The following GALNT2 variants were observed in gnomAD, a reference collection of about 807,000 sequenced individuals.
The protein encoded by GALNT2 is polypeptide N-acetylgalactosaminyltransferase 2.
GALNT2 carries 31 observed loss-of-function variants against 81.4 expected under a neutral mutation model. The observed-to-expected ratio is 0.38, with a 90% CI of 0.29 to 0.51. The LOEUF (loss-of-function observed/expected upper bound fraction) is 0.51, where lower values mean the gene tolerates loss of function less well. Among genes scored for constraint, GALNT2 ranks in the 20% least tolerant of loss-of-function variants. The pLI, the probability that GALNT2 is intolerant of heterozygous loss-of-function variation, is 0.87. For synonymous variants in GALNT2, 303 were observed against 287.4 expected (o/e 1.05, Z -0.55); for missense variants, 629 against 765.7 (o/e 0.82, Z 2.11).
At position 230,131,077 on chromosome 1, in the gene GALNT2, A is replaced by G. The variant is rs548711313; in HGVS notation, c.127-47141A>G. ...GAGAAAGAAATCAACAACCTAATAAACAAGATAGCTTAAAACAGTATCTAA... is the reference window on the plus strand; with the variant it reads ...GAGAAAGAAATCAACAACCTAATAAGCAAGATAGCTTAAAACAGTATCTAA... On this transcript the variant is annotated intron_variant, in intron 1 of 15. Transcript: ENST00000366672. 9.9e-5 allele frequency among the ~76,000 whole-genome samples: 15 copies of G among 152,228 alleles called. No individual in the cohort carries two copies. In the South Asian group the frequency reaches 3.1e-3, roughly 32 times the overall value.
intron 13 of GALNT2, chr1:230,264,791 G>GTGGCTT (rs1478855818): frequency 6.5e-6 from 1 of 153,508 alleles, no homozygotes; most frequent in Non-Finnish European, 1.5e-5. Context: ...CCCCGTGGCT[G>GTGGCTT]TGGCTTTGTT....
intron 2 of GALNT2, among the ~76,000 whole-genome samples, chr1:230,192,711 A>C (rs1663568966): frequency 6.6e-6 from 1 of 152,276 alleles, no homozygotes; most frequent in African/African-American, 2.4e-5. Context: ...TTTTAAACAA[A>C]TGAAAACTAT....
chr1:230,261,988 C>A, intron 11 of GALNT2: 1 of 150,996 alleles, frequency 6.6e-6, no homozygotes. Context: ...TCCAGCTTGG[C>A]AGCAGAGCGA....
At chr1:230,088,081 C>G (rs905181877) in intron 1 of GALNT2, among the ~76,000 whole-genome samples, 2 of 152,074 alleles carry the variant, frequency 1.3e-5, no homozygotes, top group Admixed American at 1.3e-4. Context: ...TCCCCCCGCC[C>G]CCAATGTTTT....
intron 6 of GALNT2, among the ~76,000 whole-genome samples, chr1:230,239,585 C>T (rs923921202): frequency 6.6e-6 from 1 of 152,212 alleles, no homozygotes; most frequent in Non-Finnish European, 1.5e-5. Flanking sequence ...CTTCTGTCTG[C>T]TTTTATTCTG....
intron 1 of GALNT2, among the ~76,000 whole-genome samples, chr1:230,113,349 C>G (rs1166847041): frequency 6.6e-6 from 1 of 152,080 alleles, no homozygotes; most frequent in East Asian, 1.9e-4. Flanking sequence ...CTCTCCTTGA[C>G]TCAGGAATCC....
intron 14 of GALNT2, among the ~76,000 whole-genome samples, chr1:230,266,989 G>GACACAC (rs35956776): frequency 0.016 from 2,373 of 146,768 alleles, 33 homozygotes; most frequent in African/African-American, 0.037. Flanking sequence ...GCACGTGTGT[G>GACACAC]ACACACACAC....
At position 230,243,274 on chromosome 1, in the gene GALNT2, C is replaced by T. The variant is rs756240514; in HGVS notation, c.608-32C>T. 4 of 1,577,844 alleles carry T rather than the reference C, an allele frequency of 2.5e-6. No individual in the cohort carries two copies. Among genetic ancestry groups the T allele is most frequent in the South Asian group, 2.3e-5 (2 of 88,590 alleles). ...GTTGTGCTGGCCCTGTGGCTTCTCT[C>T]TCCTGACGTGCTTTCCAACTCGCCT... is the stretch of plus-strand genomic sequence containing the variant. On this transcript the variant is annotated intron_variant, in intron 6 of 15. Coordinates refer to ENST00000366672, the MANE Select transcript of GALNT2 (RefSeq NM_004481.5). The surrounding 1 kb of genome is among the most constrained non-coding windows in gnomAD (Gnocchi z 4.2).
rs1389014300 is a variant in GALNT2 at position 230,243,406 on chromosome 1, C to T, written c.708C>T (p.Pro236=). The T allele has an allele frequency of 6.2e-7, 1 of 1,612,128 alleles. No individual in the cohort carries two copies. Among genetic ancestry groups the T allele is most frequent in the African/African-American group, 1.3e-5 (1 of 74,896 alleles). Residue 236 remains proline (P), a synonymous_variant, in exon 7 of 16, where the codon CCC becomes CCT. Transcript: ENST00000366672. The surrounding 1 kb of genome is among the most constrained non-coding windows in gnomAD (Gnocchi z 4.2). The part of the protein sequence containing the change: ...HCECNEHWLE[P]LLERVAEDRT... The stretch of plus-strand genomic sequence containing the variant: ...AGTGTAATGAGCACTGGCTGGAGCC[C>T]CTCCTGGAAAGGGTGGCGGAGGTGA...
chr1:230,233,228 CCTT>C (rs1216913362), intron 3 of GALNT2, among the ~76,000 whole-genome samples: 1 of 152,160 alleles, frequency 6.6e-6, no homozygotes, highest in Non-Finnish European at 1.5e-5. Flanking sequence ...TAATCTATCT[CCTT>C]CGTCCACTGA....
In GALNT2 at chr1:230,254,276, C is replaced by T. The variant is rs1369365226; in HGVS notation, c.1010-942C>T. On this transcript the variant is annotated intron_variant, in intron 10 of 15. Coordinates refer to ENST00000366672, the MANE Select transcript of GALNT2 (RefSeq NM_004481.5). The stretch of plus-strand genomic sequence containing the variant: ...AAGGCACACCAGTCAGTCTAAGCTT[C>T]GACTGAGTTCCAATGCTCAGGGCAG... Among the ~76,000 whole-genome samples, 107 of 152,250 alleles carry T rather than the reference C, an allele frequency of 7.0e-4. 2 individuals are homozygous for T. The highest frequency in any genetic ancestry group is 1.9e-4 in the East Asian group (1 of 5,176).
At chr1:230,164,540 CTTT>C (rs747922205) in intron 1 of GALNT2, among the ~76,000 whole-genome samples, 2 of 142,244 alleles carry the variant, frequency 1.4e-5, no homozygotes, top group Non-Finnish European at 1.5e-5. Context: ...GGCCCTTTTT[CTTT>C]TTTTTTTTTT....
intron 14 of GALNT2, among the ~76,000 whole-genome samples, chr1:230,267,424 T>C (rs1481550087): frequency 1.3e-5 from 2 of 152,188 alleles, no homozygotes; most frequent in Non-Finnish European, 2.9e-5. Flanking sequence ...CTCACCTCCA[T>C]GTTTAATCAC....
chr1:230,231,411 G>A (rs917169106), intron 3 of GALNT2, among the ~76,000 whole-genome samples: 1 of 152,188 alleles, frequency 6.6e-6, no homozygotes, highest in African/African-American at 2.4e-5. Flanking sequence ...TGAGGGTGGG[G>A]CATGGCCTGC....
At chr1:230,264,415 C>T (rs1321295701) in intron 13 of GALNT2, 1 of 152,266 alleles carries the variant, frequency 6.6e-6, no homozygotes, top group African/African-American at 2.4e-5. Context: ...ACTGCCATTT[C>T]TCACAGAGGT....
In GALNT2 at chr1:230,262,575, A is replaced by T; in HGVS notation, c.1139A>T (p.Asn380Ile). 1 of 1,613,542 alleles carries T rather than the reference A, an allele frequency of 6.2e-7. No individual in the cohort carries two copies. The highest frequency in any genetic ancestry group is 8.5e-7 in the Non-Finnish European group (1 of 1,179,518). ...CTCAAGATTTATTTTCTTTCTAGAA[A>T]CACCCGCCGGGCAGCAGAGGTCTGG... The part of the protein sequence containing the change: ...PGGSGTVFAR[N>I]TRRAAEVWMD... The change falls in exon 12 of 16, where the codon AAC becomes ATC. Residue 380 changes from asparagine (N) to isoleucine (I), a missense_variant and splice_region_variant. Transcript: ENST00000366672.
Position 230,275,505 on chromosome 1 carries a change from C to G in GALNT2, c.1560+941C>G, listed in dbSNP as rs955563557. 1.3e-5 allele frequency among the ~76,000 whole-genome samples: 2 copies of G among 151,000 alleles called. No individual in the cohort carries two copies. The highest frequency in any genetic ancestry group is 2.4e-5 in the African/African-American group (1 of 41,010). On this transcript the variant is annotated intron_variant, in intron 15 of 15. Transcript: ENST00000366672. The surrounding 1 kb of genome is among the most constrained non-coding windows in gnomAD (Gnocchi z 5.5). The stretch of plus-strand genomic sequence containing the variant: ...TATATACATATACACACACACACCA[C>G]AGATACATACATATATATACATGCC...
intron 1 of GALNT2, among the ~76,000 whole-genome samples, chr1:230,076,706 C>G (rs1659570045): frequency 1.3e-5 from 2 of 152,076 alleles, no homozygotes; most frequent in Non-Finnish European, 2.9e-5. Context: ...AGAGGCCATT[C>G]TCATTTATGA....
chr1:230,279,168 G>A lies in GALNT2; in HGVS notation c.1561-135G>A, dbSNP rs561996400. 28 of 944,132 alleles carry A rather than the reference G, an allele frequency of 3.0e-5. No individual in the cohort carries two copies. The highest frequency in any genetic ancestry group is 2.8e-4 in the East Asian group (10 of 35,354). The allele number at this position is 944,132 out of a possible 1,614,324, so 58.5% of individuals were successfully genotyped here. A position where few individuals can be genotyped will look rare whatever the true frequency, so the allele number is the denominator to read the frequency against. ...TGGGGCTGCTGCAAGCTCCTCGGCCGTTCAGATGAGAGGCTGGGAAAAACG... is the reference window on the plus strand; with the variant it reads ...TGGGGCTGCTGCAAGCTCCTCGGCCATTCAGATGAGAGGCTGGGAAAAACG... On this transcript the variant is annotated intron_variant, in intron 15 of 15. Transcript: ENST00000366672. The surrounding 1 kb of genome is among the most constrained non-coding windows in gnomAD (Gnocchi z 4.6).
Sources: allele counts gnomAD v4.1 joint callset (sites outside exome capture counted in the v4.1 genomes callset), GRCh38; gene constraint gnomAD v4.1.1; non-coding constraint Gnocchi (gnomAD v3.1); transcripts MANE v1.5; gene names NCBI Gene and HGNC (gene_info 2026-07-23, HGNC 2026-07-21).